The following GABRG1 variants were observed in gnomAD, a reference collection of about 807,000 sequenced individuals.
GABRG1 encodes the protein gamma-aminobutyric acid receptor subunit gamma-1.
Under a neutral mutation model 49.8 loss-of-function variants are expected in GABRG1, and 49 were observed. The observed-to-expected ratio is 0.98, with a 90% CI of 0.78 to 1.25. The LOEUF (loss-of-function observed/expected upper bound fraction) is 1.25, where lower values mean the gene tolerates loss of function less well. Ranked by LOEUF, GABRG1 falls within the 50% of genes most tolerant of loss-of-function variation. The probability of loss-of-function intolerance (pLI) is 0.00; values close to 1 mark genes in which losing one functional copy is unlikely to be tolerated. For missense variants in GABRG1, 552 were observed against 552.3 expected (o/e 1.00, Z 0.01); for synonymous variants, 232 against 185.1 (o/e 1.25, Z -2.06).
chr4:46,080,567 G>T (rs1168229341), intron 3 of GABRG1, among the ~76,000 whole-genome samples: 1 of 151,682 alleles, frequency 6.6e-6, no homozygotes, highest in Non-Finnish European at 1.5e-5. Flanking sequence ...GGTTACAAGT[G>T]TGTAATTTGC....
intron 2 of GABRG1, among the ~76,000 whole-genome samples, chr4:46,088,845 A>T (rs1293929949): frequency 1.1e-5 from 1 of 93,572 alleles, no homozygotes; most frequent in African/African-American, 5.8e-5. Flanking sequence ...GTGTGTGTGT[A>T]TTCCCAAGAA....
Position 46,058,599 on chromosome 4 carries a change from C to A in GABRG1, c.649G>T (p.Glu217Ter). 6.2e-7 allele frequency: 1 copy of A among 1,612,214 alleles called. No homozygotes were observed. Among genetic ancestry groups the A allele is most frequent in the South Asian group, 1.1e-5 (1 of 90,954 alleles). ...ACGGAGGGCTTTTTCCACTTATACT[C>A]AATTTCATTTTTAGGGTATCCATCT... ...SSYGYPKNEIEYKWKKPSVEV... is the reference protein window; with the variant it reads ...SSYGYPKNEI The change falls in exon 6 of 9, where the codon GAG becomes TAG. Residue 217 changes from glutamate to a stop codon, truncating the protein, a stop_gained. Coordinates refer to ENST00000295452, the MANE Select transcript of GABRG1 (RefSeq NM_173536.4). LOFTEE classifies it high-confidence loss of function.
intron 1 of GABRG1, among the ~76,000 whole-genome samples, chr4:46,109,411 T>A (rs1720652722): frequency 1.3e-5 from 2 of 151,032 alleles, no homozygotes; most frequent in South Asian, 4.1e-4. Flanking sequence ...CTTCTCTCTC[T>A]CTTTTTCTTT....
intron 1 of GABRG1, among the ~76,000 whole-genome samples, chr4:46,104,727 A>C (rs892754178): frequency 1.5e-4 from 23 of 151,402 alleles, no homozygotes; most frequent in African/African-American, 5.6e-4. Context: ...ATTAAACTTC[A>C]TTTGACAAAT....
intron 1 of GABRG1, among the ~76,000 whole-genome samples, chr4:46,110,086 T>G (rs1045976238): frequency 6.6e-6 from 1 of 151,130 alleles, no homozygotes; most frequent in Non-Finnish European, 1.5e-5. Context: ...ACTTTTCTCC[T>G]TCAATCTTGC....
At position 46,093,402 on chromosome 4, in the gene GABRG1, C is replaced by A. The variant is rs76798836; in HGVS notation, c.253+3799G>T. Among the ~76,000 whole-genome samples, 129 of 151,984 alleles carry A rather than the reference C, an allele frequency of 8.5e-4. 2 individuals are homozygous for A. In the East Asian group the frequency reaches 0.023, roughly 27 times the overall value. ...TCACTCATTTGTAGGGGTTGAAAAT[C>A]AAAACAATTGAACTCATAGAGTTAG... is the stretch of plus-strand genomic sequence containing the variant. On this transcript the variant is annotated intron_variant, in intron 2 of 8. Coordinates refer to ENST00000295452, the MANE Select transcript of GABRG1 (RefSeq NM_173536.4).
intron 2 of GABRG1, among the ~76,000 whole-genome samples, chr4:46,091,778 C>T (rs915614518): frequency 2.6e-5 from 4 of 151,892 alleles, no homozygotes; most frequent in Non-Finnish European, 5.9e-5. Flanking sequence ...GAAATACAGG[C>T]CGAGAATTTC....
chr4:46,045,726 CCTGA>C (rs1343817352), intron 8 of GABRG1, among the ~76,000 whole-genome samples: 2 of 151,346 alleles, frequency 1.3e-5, no homozygotes, highest in Non-Finnish European at 2.9e-5. Flanking sequence ...TAACCAAGTG[CCTGA>C]CTAATTTTTT....
At chr4:46,116,487 G>C (rs1291274896) in intron 1 of GABRG1, among the ~76,000 whole-genome samples, 1 of 150,622 alleles carries the variant, frequency 6.6e-6, no homozygotes, top group African/African-American at 2.4e-5. Context: ...ATTGCAACAT[G>C]GAGGCATTAT....
At chr4:46,122,104 G>A (rs1011705163) in intron 1 of GABRG1, among the ~76,000 whole-genome samples, 3 of 152,010 alleles carry the variant, frequency 2.0e-5, no homozygotes, top group African/African-American at 7.2e-5. Flanking sequence ...TGACACATGA[G>A]ATCATGTCTC....
At chr4:46,073,038 G>C (rs1360134089) in intron 3 of GABRG1, among the ~76,000 whole-genome samples, 1 of 151,842 alleles carries the variant, frequency 6.6e-6, no homozygotes, top group Non-Finnish European at 1.5e-5. Context: ...GTCAAGAGTT[G>C]TCATATGCCA....
Position 46,064,426 on chromosome 4 carries a change from T to A in GABRG1, c.625+15A>T, listed in dbSNP as rs1176674341. 1 of 1,351,054 alleles carries A rather than the reference T, an allele frequency of 7.4e-7. No homozygotes were observed. Among genetic ancestry groups the A allele is most frequent in the Non-Finnish European group, 1.0e-6 (1 of 986,394 alleles). The allele number at this position is 1,351,054 out of a possible 1,614,324, so 83.7% of individuals were successfully genotyped here. Reference sequence around the variant, plus strand: ...GTTAAAATTCTATGAAATTATCAAGTGTTTTGTTACTTACAGCTTGAAAAT... The same window carrying A: ...GTTAAAATTCTATGAAATTATCAAGAGTTTTGTTACTTACAGCTTGAAAAT... On this transcript the variant is annotated intron_variant, in intron 5 of 8. Transcript: ENST00000295452.
intron 6 of GABRG1, 44 bp downstream of exon 6, chr4:46,058,441 C>A (rs540114569): frequency 6.3e-7 from 1 of 1,599,452 alleles, no homozygotes; most frequent in East Asian, 2.2e-5. Flanking sequence ...ATAAAAATGT[C>A]ATTTAATGCT....
intron 1 of GABRG1, among the ~76,000 whole-genome samples, chr4:46,105,788 A>AAAT (rs1397436277): frequency 9.0e-4 from 98 of 108,394 alleles, no homozygotes; most frequent in African/African-American, 3.0e-3. Flanking sequence ...ATGGGTAGAT[A>AAAT]GATGATAGAT....
intron 2 of GABRG1, among the ~76,000 whole-genome samples, chr4:46,085,083 A>C (rs1719705634): frequency 6.6e-6 from 1 of 151,560 alleles, no homozygotes; most frequent in Admixed American, 6.6e-5. Flanking sequence ...TTATATAATA[A>C]GAGATTTTTT....
intron 5 of GABRG1, among the ~76,000 whole-genome samples, chr4:46,061,504 G>A (rs1252464238): frequency 4.6e-5 from 7 of 151,898 alleles, no homozygotes; most frequent in Non-Finnish European, 4.4e-5. Flanking sequence ...GTGGGTAAAG[G>A]CAACCACATT....
chr4:46,041,349 G>GTAA, intron 8 of GABRG1, 95 bp from the exon 9 acceptor site: 1 of 1,036,388 alleles, frequency 9.6e-7, no homozygotes, highest in South Asian at 1.7e-5. Context: ...AGACTGACAG[G>GTAA]TAATGAAAAT....
chr4:46,073,381 CTT>C (rs993439869), intron 3 of GABRG1, among the ~76,000 whole-genome samples: 2 of 152,012 alleles, frequency 1.3e-5, no homozygotes, highest in East Asian at 1.9e-4. Flanking sequence ...ATTTTAAACT[CTT>C]TACCGTAACT....
At chr4:46,053,787 C>A (rs1718335960) in intron 7 of GABRG1, among the ~76,000 whole-genome samples, 1 of 151,952 alleles carries the variant, frequency 6.6e-6, no homozygotes, top group South Asian at 2.1e-4. Context: ...ACTTTGCTTT[C>A]AGACATTTAT....
Sources: allele counts gnomAD v4.1 joint callset (sites outside exome capture counted in the v4.1 genomes callset), GRCh38; gene constraint gnomAD v4.1.1; transcripts MANE v1.5; gene names NCBI Gene and HGNC (gene_info 2026-07-23, HGNC 2026-07-21).